Variants in KCNH5 observed in about 807,000 individuals in gnomAD.
KCNH5 encodes the protein potassium voltage-gated channel subfamily H member 5.
KCNH5 carries 46 observed loss-of-function variants against 96.1 expected under a neutral mutation model. The observed-to-expected ratio is 0.48, with a 90% confidence interval of 0.38 to 0.61. KCNH5 has a LOEUF of 0.61. Among genes scored for constraint, KCNH5 ranks in the 20% least tolerant of loss-of-function variants. The pLI, the probability that KCNH5 is intolerant of heterozygous loss-of-function variation, is 0.00. For missense variants in KCNH5, 907 were observed against 1,225.8 expected (o/e 0.74, Z 3.88); for synonymous variants, 439 against 449.8 (o/e 0.98, Z 0.30).
intron 10 of KCNH5, among the ~76,000 whole-genome samples, chr14:62,779,195 C>T (rs1469363520): frequency 6.6e-6 from 1 of 152,204 alleles, no homozygotes; most frequent in Non-Finnish European, 1.5e-5. Context: ...GTTAAATGTG[C>T]AGCAGCAGTG....
At chr14:62,961,714 G>C (rs1156360436) in intron 6 of KCNH5, among the ~76,000 whole-genome samples, 3 of 152,030 alleles carry the variant, frequency 2.0e-5, no homozygotes, top group African/African-American at 7.2e-5. Flanking sequence ...ATGGAGATAT[G>C]GAAATGGAGG....
chr14:62,703,351 G>C lies in KCNH5; in HGVS notation c.*4157C>G, dbSNP rs184226396. On this transcript the variant is annotated 3_prime_UTR_variant, in exon 11 of 11. Transcript: ENST00000322893. Reference sequence around the variant, plus strand: ...CTTCTAAAATCTAGAAGAATATTTTGATAGAGAGTACATCGTGGATACTCT... The same window carrying C: ...CTTCTAAAATCTAGAAGAATATTTTCATAGAGAGTACATCGTGGATACTCT... 280 of 151,960 alleles carry C rather than the reference G, an allele frequency of 1.8e-3. No individual in the cohort carries two copies. Among genetic ancestry groups the C allele is most frequent in the African/African-American group, 6.4e-3 (266 of 41,554 alleles). The allele number at this position is 151,960 out of a possible 1,614,324, so 9.4% of individuals were successfully genotyped here. A position where few individuals can be genotyped will look rare whatever the true frequency, so the allele number is the denominator to read the frequency against.
chr14:62,828,825 A>C (rs898770241), intron 8 of KCNH5, among the ~76,000 whole-genome samples: 2 of 152,124 alleles, frequency 1.3e-5, no homozygotes, highest in Non-Finnish European at 2.9e-5. Flanking sequence ...CAAAGTCTTA[A>C]GTCATTCCAG....
At chr14:62,833,934 A>T (rs1887413491) in intron 8 of KCNH5, among the ~76,000 whole-genome samples, 1 of 151,958 alleles carries the variant, frequency 6.6e-6, no homozygotes, top group Admixed American at 6.6e-5. Flanking sequence ...ATTACCTTAC[A>T]TTACTCCTTA....
chr14:62,807,637 G>C (rs2140004505), intron 8 of KCNH5, among the ~76,000 whole-genome samples: 1 of 152,056 alleles, frequency 6.6e-6, no homozygotes, highest in East Asian at 1.9e-4. Context: ...ATAAGACCTG[G>C]GGACATGTGG....
At chr14:62,776,261 C>T (rs961070589) in intron 10 of KCNH5, among the ~76,000 whole-genome samples, 8 of 150,718 alleles carry the variant, frequency 5.3e-5, no homozygotes, top group African/African-American at 2.0e-4. Context: ...AGCAAGGTTC[C>T]ATCTCAAAAA....
chr14:62,715,127 A>C (rs1884656271), intron 10 of KCNH5, among the ~76,000 whole-genome samples: 2 of 152,354 alleles, frequency 1.3e-5, no homozygotes, highest in South Asian at 4.1e-4. Context: ...TCCATTTCAA[A>C]AGTAGGACAT....
intron 1 of KCNH5, among the ~76,000 whole-genome samples, chr14:63,027,650 T>C (rs1891550354): frequency 6.6e-6 from 1 of 151,952 alleles, no homozygotes; most frequent in African/African-American, 2.4e-5. Context: ...TATTGTATAC[T>C]ATAAACATAT....
chr14:62,719,524 C>T (rs755078531), intron 10 of KCNH5, among the ~76,000 whole-genome samples: 2 of 152,156 alleles, frequency 1.3e-5, no homozygotes, highest in African/African-American at 2.4e-5. Context: ...AGAATCACAG[C>T]GGATTCACAA....
intron 10 of KCNH5, among the ~76,000 whole-genome samples, chr14:62,754,761 G>A (rs1027113970): frequency 6.6e-6 from 1 of 151,844 alleles, no homozygotes; most frequent in African/African-American, 2.4e-5. Context: ...TTTAGTACCA[G>A]CTGCTTGGGA....
intron 8 of KCNH5, among the ~76,000 whole-genome samples, chr14:62,842,471 C>T (rs1887605359): frequency 6.6e-6 from 1 of 152,138 alleles, no homozygotes; most frequent in African/African-American, 2.4e-5. Context: ...GTAGATGTAA[C>T]AATAGTTAAG....
At chr14:62,761,625 T>C (rs2139956406) in intron 10 of KCNH5, among the ~76,000 whole-genome samples, 1 of 152,272 alleles carries the variant, frequency 6.6e-6, no homozygotes, top group South Asian at 2.1e-4. Context: ...TAAAAATACA[T>C]TGTAATACAA....
At chr14:62,895,235 A>G (rs1407198166) in intron 7 of KCNH5, among the ~76,000 whole-genome samples, 3 of 152,190 alleles carry the variant, frequency 2.0e-5, no homozygotes, top group African/African-American at 7.2e-5. Flanking sequence ...GAAATTATAG[A>G]AAGATTCTGA....
chr14:62,911,523 C>T (rs745759749), intron 7 of KCNH5, among the ~76,000 whole-genome samples: 1 of 151,710 alleles, frequency 6.6e-6, no homozygotes, highest in Non-Finnish European at 1.5e-5. Flanking sequence ...ATAGACAAAG[C>T]CTGGAATTGT....
chr14:62,752,981 T>C (rs956586405), intron 10 of KCNH5, among the ~76,000 whole-genome samples: 3 of 152,108 alleles, frequency 2.0e-5, no homozygotes, highest in Admixed American at 2.0e-4. Flanking sequence ...ACTAATACAA[T>C]GACTTCACCA....
intron 7 of KCNH5, among the ~76,000 whole-genome samples, chr14:62,860,195 G>A (rs924381038): frequency 5.3e-5 from 8 of 152,262 alleles, no homozygotes; most frequent in Middle Eastern, 3.4e-3. Flanking sequence ...CAAAAGGAGA[G>A]TAGTTATCTG....
At chr14:62,987,674 C>CAAATGAT (rs1890736062) in intron 4 of KCNH5, among the ~76,000 whole-genome samples, 1 of 100,916 alleles carries the variant, frequency 9.9e-6, no homozygotes, top group South Asian at 2.6e-4. Context: ...ACCAGCTGGA[C>CAAATGAT]AAGGCCCAAG....
intron 4 of KCNH5, among the ~76,000 whole-genome samples, chr14:63,000,937 T>C (rs970739673): frequency 6.6e-6 from 1 of 152,108 alleles, no homozygotes; most frequent in Non-Finnish European, 1.5e-5. Context: ...TAGCCAGGTA[T>C]GGTGGCGCAC....
intron 10 of KCNH5, among the ~76,000 whole-genome samples, chr14:62,744,956 G>A (rs1201748398): frequency 6.6e-6 from 1 of 152,168 alleles, no homozygotes; most frequent in Non-Finnish European, 1.5e-5. Flanking sequence ...ATGAGGAGGA[G>A]TGAAGGGAGA....
Sources: gnomAD v4.1 joint callset for allele counts (sites outside exome capture counted in the v4.1 genomes callset) on GRCh38, gnomAD v4.1.1 for gene constraint, MANE v1.5 for transcripts, NCBI Gene and HGNC (gene_info 2026-07-23, HGNC 2026-07-21) for gene names.